Variants in MKS1 observed in about 807,000 individuals in gnomAD.
The protein encoded by MKS1 is tectonic-like complex member MKS1.
Under a neutral mutation model 83.7 loss-of-function variants are expected in MKS1, and 70 were observed. The observed-to-expected ratio is 0.84, with a 90% CI of 0.69 to 1.02. The LOEUF is 1.02. MKS1 is among the 50% of genes least tolerant of loss of function. The pLI is 0.00. For synonymous variants in MKS1, 251 were observed against 273.4 expected (o/e 0.92, Z 0.81); for missense variants, 681 against 726.9 (o/e 0.94, Z 0.73).
chr17:58,215,989 TC>T, intron 4 of MKS1, 98 bp downstream of exon 4: 1 of 1,428,166 alleles, frequency 7.0e-7, no homozygotes, highest in Non-Finnish European at 9.8e-7. Flanking sequence ...GCTACTTGTC[TC>T]CCCTTACTAG....
At position 58,206,132 on chromosome 17, in the gene MKS1, G is replaced by A. The variant is rs748406509; in HGVS notation, c.1627C>T (p.Arg543Trp). The A allele has an allele frequency of 2.1e-5, 34 of 1,613,496 alleles. No individual in the cohort carries two copies. The highest frequency in any genetic ancestry group is 6.7e-5 in the East Asian group (3 of 44,874). The change falls in exon 18 of 18, where the codon CGG becomes TGG. Residue 543 changes from arginine (R) to tryptophan (W), a missense_variant. Physicochemically the swap from Arg to Trp is moderately radical, Grantham distance 101. This residue lies in a region of MKS1 where 310 missense variants were observed against 321.7 expected (regional missense o/e 0.96). Coordinates refer to ENST00000393119, the MANE Select transcript of MKS1 (RefSeq NM_017777.4). ...ACTAGGTCCTGCGGGAGGCTTTCCC[G>A]GGCCTCCTGCATGCGGCGCCGGGCT... ...RRARRRMQEA[R>W]ESLPQDLVSP...
At chr17:58,218,991 CTG>C (rs1371354832) in intron 1 of MKS1, among the ~76,000 whole-genome samples, 158 bp downstream of exon 1, 1 of 151,926 alleles carries the variant, frequency 6.6e-6, no homozygotes, top group Non-Finnish European at 1.5e-5. Flanking sequence ...TTCTTAGAGG[CTG>C]TGAGTGGATG....
intron 4 of MKS1, chr17:58,215,838 CAT>C (rs1969162089): frequency 2.0e-6 from 1 of 501,362 alleles, no homozygotes; most frequent in Non-Finnish European, 3.6e-6. Context: ...ACTCTGCAAG[CAT>C]ATAATCAGAG....
In MKS1 at chr17:58,213,630, A is replaced by T. The variant is rs1055636235; in HGVS notation, c.749+135T>A. ...TCTAAGGCCCTATGACTTGGAACAG[A>T]ATACGAACCATTGCCTGGGAATGTA... On this transcript the variant is annotated intron_variant, in intron 7 of 17. Transcript: ENST00000393119. The T allele has an allele frequency of 4.0e-6, 3 of 757,392 alleles. No homozygotes were observed. The East Asian group carries it at 7.9e-5, about 20-fold the overall frequency. The allele number at this position is 757,392 out of a possible 1,614,324, so 46.9% of individuals were successfully genotyped here.
Position 58,216,747 on chromosome 17 carries a change from AAC to A in MKS1, c.191-13_191-12del, listed in dbSNP as rs763181459. On this transcript the variant is annotated splice_polypyrimidine_tract_variant and intron_variant, in intron 2 of 17. Transcript: ENST00000393119. ...CTGGGCGGTGTCCACCTCCAAAGAC[AAC>A]AGAGTGAATCAAATGCTTGAGCCAA... 2.5e-6 allele frequency: 4 copies of A among 1,614,014 alleles called. No homozygotes were observed.
chr17:58,213,896 G>A (rs1969032686), intron 6 of MKS1, 27 bp from the exon 7 acceptor site: 2 of 1,562,116 alleles, frequency 1.3e-6, no homozygotes, highest in African/African-American at 2.7e-5. Flanking sequence ...CACCAAGGTT[G>A]AGGTCAATGG....
At chr17:58,214,976 C>CT (rs1969108671) in intron 4 of MKS1, 138 bp from the exon 5 acceptor site, 1 of 1,385,880 alleles carries the variant, frequency 7.2e-7, no homozygotes. Flanking sequence ...ATTATACATG[C>CT]TAACGGAGGG....
At position 58,208,141 on chromosome 17, in the gene MKS1, A is replaced by T. The variant is rs1298053966; in HGVS notation, c.1129T>A (p.Phe377Ile). Residue 377 changes from phenylalanine (F) to isoleucine (I), a missense_variant, in exon 13 of 18, where the codon TTT becomes ATT. Phe to Ile is a conservative substitution (Grantham distance 21). This residue lies in a region of MKS1 where 310 missense variants were observed against 321.7 expected (regional missense o/e 0.96). Coordinates refer to ENST00000393119, the MANE Select transcript of MKS1 (RefSeq NM_017777.4). ...KVAHFSYPFT[F>I]EAFFLHEDES... ...TCCTCATGGAGGAAGAAGGCTTCAA[A>T]CGTGAATGGGTAGGAGAAGTGAGCC... The T allele has an allele frequency of 6.2e-7, 1 of 1,613,868 alleles. No homozygotes were observed. Among genetic ancestry groups the T allele is most frequent in the Non-Finnish European group, 8.5e-7 (1 of 1,179,798 alleles).
chr17:58,209,649 G>C lies in MKS1; in HGVS notation c.1024+1010C>G, dbSNP rs1567798266. 6.6e-6 allele frequency among the ~76,000 whole-genome samples: 1 copy of C among 152,230 alleles called. No homozygotes were observed. Among genetic ancestry groups the C allele is most frequent in the Non-Finnish European group, 1.5e-5 (1 of 68,044 alleles). ...AAGGCTACAAGGTGGGAATGAACCT[G>C]GCTGGGAAGAATGACTGGAAGGTTG... On this transcript the variant is annotated intron_variant, in intron 11 of 17. Transcript: ENST00000393119. This position sits in a 1 kb window ranked among gnomAD's most constrained non-coding sequence, Gnocchi z 4.1.
chr17:58,208,216 G>C lies in MKS1; in HGVS notation c.1096-42C>G, dbSNP rs377434244. On this transcript the variant is annotated intron_variant, in intron 12 of 17. Coordinates refer to ENST00000393119, the MANE Select transcript of MKS1 (RefSeq NM_017777.4). ...CATAGGGTGGGCAAGGCCTCCCTTGGAATCTGTTCTCCTTGTGGCCAATGA... is the reference window on the plus strand; with the variant it reads ...CATAGGGTGGGCAAGGCCTCCCTTGCAATCTGTTCTCCTTGTGGCCAATGA... 6 of 1,510,706 alleles carry C rather than the reference G, an allele frequency of 4.0e-6. No homozygotes were observed. In the Admixed American group the frequency reaches 1.0e-4, roughly 25 times the overall value. 93.6% of individuals were successfully genotyped at this position (1,510,706 alleles called of 1,614,324 possible). A position where few individuals can be genotyped will look rare whatever the true frequency, so the allele number is the denominator to read the frequency against.
In MKS1 at chr17:58,206,152, C is replaced by T. The variant is rs746283445; in HGVS notation, c.1607G>A (p.Arg536Gln). The change falls in exon 18 of 18, where the codon CGG becomes CAG. Residue 536 changes from arginine (R) to glutamine (Q), a missense_variant. Arg to Gln is a conservative substitution (Grantham distance 43). Coordinates refer to ENST00000393119, the MANE Select transcript of MKS1 (RefSeq NM_017777.4). ...TTCCCGGGCCTCCTGCATGCGGCGCCGGGCTCGACGGAAGGCCTCTGTAAG... is the reference window on the plus strand; with the variant it reads ...TTCCCGGGCCTCCTGCATGCGGCGCTGGGCTCGACGGAAGGCCTCTGTAAG... ...HNVLEAFRRA[R>Q]RRMQEARESL... is the part of the protein sequence containing the mutation. The T allele has an allele frequency of 5.6e-5, 90 of 1,613,714 alleles. 1 individual carries two copies. The highest frequency in any genetic ancestry group is 5.2e-4 in the South Asian group (47 of 91,066).
At chr17:58,211,213 G>A in intron 9 of MKS1, 191 bp from the exon 10 acceptor site, 4 of 613,754 alleles carry the variant, frequency 6.5e-6, no homozygotes, top group Non-Finnish European at 1.2e-5. Flanking sequence ...TCACAATGTA[G>A]GGGGAAAGTA....
intron 14 of MKS1, chr17:58,207,571 GA>G: frequency 1.9e-6 from 1 of 539,776 alleles, no homozygotes; most frequent in Non-Finnish European, 3.3e-6. Flanking sequence ...CACAGTAAAA[GA>G]CAGATGCTTT....
Position 58,210,856 on chromosome 17 carries a change from A to G in MKS1, c.958+124T>C, listed in dbSNP as rs867428075. 42 of 1,453,278 alleles carry G rather than the reference A, an allele frequency of 2.9e-5. No individual in the cohort carries two copies. In the South Asian group the frequency reaches 4.8e-4, roughly 17 times the overall value. The allele number at this position is 1,453,278 out of a possible 1,614,324, so 90.0% of individuals were successfully genotyped here. On this transcript the variant is annotated intron_variant, in intron 10 of 17. Transcript: ENST00000393119. ...CAGGAACCCTCTGCGTTTCCAGGAA[A>G]GACTCACCACTGAGTTTCCCAAGTA...
chr17:58,206,714 A>G, intron 15 of MKS1, 167 bp from the exon 16 acceptor site: 1 of 765,184 alleles, frequency 1.3e-6, no homozygotes, highest in Non-Finnish European at 2.2e-6. Context: ...ATACTGGGCT[A>G]TTGGGCTCCC....
At chr17:58,216,536 CT>C in intron 3 of MKS1, 129 bp downstream of exon 3, 1 of 1,105,050 alleles carries the variant, frequency 9.0e-7, no homozygotes, top group Non-Finnish European at 1.4e-6. Flanking sequence ...TTACAATGCC[CT>C]TTAAACACAA....
Position 58,205,552 on chromosome 17 carries a change from C to T in MKS1, c.*527G>A. ...AGGACTCAGCACTGCCTTCAGCCTTCACTTACTCAGAAATAACTCATATCT... is the reference window on the plus strand; with the variant it reads ...AGGACTCAGCACTGCCTTCAGCCTTTACTTACTCAGAAATAACTCATATCT... On this transcript the variant is annotated 3_prime_UTR_variant, in exon 18 of 18. Transcript: ENST00000393119. 7.7e-7 allele frequency: 1 copy of T among 1,304,652 alleles called. No individual in the cohort carries two copies. The highest frequency in any genetic ancestry group is 1.2e-5 in the South Asian group (1 of 81,016). 80.8% of individuals were successfully genotyped at this position (1,304,652 alleles called of 1,614,324 possible).
At position 58,205,883 on chromosome 17, in the gene MKS1, C is replaced by G; in HGVS notation, c.*196G>C. 6.9e-7 allele frequency: 1 copy of G among 1,441,010 alleles called. No individual in the cohort carries two copies. The allele number at this position is 1,441,010 out of a possible 1,614,324, so 89.3% of individuals were successfully genotyped here. Reference sequence around the variant, plus strand: ...ATATAAAGGGGGGGCCACAGGGTCTCTGGCTTTATTTCCACAGGGTAGGGA... The same window carrying G: ...ATATAAAGGGGGGGCCACAGGGTCTGTGGCTTTATTTCCACAGGGTAGGGA... On this transcript the variant is annotated 3_prime_UTR_variant, in exon 18 of 18. Coordinates refer to ENST00000393119, the MANE Select transcript of MKS1 (RefSeq NM_017777.4).
In MKS1 at chr17:58,209,108, C is replaced by T. The variant is rs1424897649; in HGVS notation, c.1025-525G>A. 6.6e-6 allele frequency among the ~76,000 whole-genome samples: 1 copy of T among 152,078 alleles called. No individual in the cohort carries two copies. The highest frequency in any genetic ancestry group is 1.5e-5 in the Non-Finnish European group (1 of 68,006). On this transcript the variant is annotated intron_variant, in intron 11 of 17. Coordinates refer to ENST00000393119, the MANE Select transcript of MKS1 (RefSeq NM_017777.4). The surrounding 1 kb of genome is among the most constrained non-coding windows in gnomAD (Gnocchi z 4.1). ...ACAATCTGATCTCTCTTTCTTTTCC[C>T]CACATTTCCCCCTTTTCTTTTTGAC...
Sources: gnomAD v4.1 joint callset for allele counts (sites outside exome capture counted in the v4.1 genomes callset) on GRCh38, gnomAD v4.1.1 for gene constraint, gnomAD v4.1.1 regional missense constraint, Gnocchi (gnomAD v3.1) non-coding constraint, MANE v1.5 for transcripts, NCBI Gene and HGNC (gene_info 2026-07-23, HGNC 2026-07-21) for gene names.